The following SATB1 variants were observed in gnomAD, a reference collection of about 807,000 sequenced individuals.
SATB1 encodes the protein DNA-binding protein SATB1.
A neutral mutation model predicts 86.9 loss-of-function variants in SATB1; 11 were observed. The observed-to-expected ratio is 0.13, with a 90% CI of 0.08 to 0.21. The LOEUF is 0.21. SATB1 is among the 10% of genes least tolerant of loss of function. SATB1 has a pLI of 1.00. For synonymous variants in SATB1, 357 were observed against 357.2 expected (o/e 1.00, Z 0.01); for missense variants, 551 against 937.6 (o/e 0.59, Z 5.39).
intron 10 of SATB1, chr3:18,350,450 C>T (rs1162158679): frequency 6.6e-6 from 1 of 152,196 alleles, no homozygotes; most frequent in Admixed American, 6.5e-5. Flanking sequence ...ATATGTGCTA[C>T]AATTTCCATA....
In SATB1 at chr3:18,423,910, C is replaced by T. The variant is rs1366197968; in HGVS notation, c.-308G>A. The T allele has an allele frequency of 6.6e-6, 1 of 151,636 alleles. No individual in the cohort carries two copies. Among genetic ancestry groups the T allele is most frequent in the Non-Finnish European group, 1.5e-5 (1 of 67,926 alleles). 9.4% of individuals were successfully genotyped at this position (151,636 alleles called of 1,614,324 possible). A position where few individuals can be genotyped will look rare whatever the true frequency, so the allele number is the denominator to read the frequency against. ...TAAAAAAAAAATCACAATTCGAAAACCAACATATAGGGGTTTGTAAAATGT... is the reference window on the plus strand; with the variant it reads ...TAAAAAAAAAATCACAATTCGAAAATCAACATATAGGGGTTTGTAAAATGT... On this transcript the variant is annotated 5_prime_UTR_variant, in exon 1 of 11. Coordinates refer to ENST00000338745, the MANE Select transcript of SATB1 (RefSeq NM_002971.6).
intron 9 of SATB1, among the ~76,000 whole-genome samples, chr3:18,353,882 A>T (rs1484549053): frequency 6.6e-6 from 1 of 152,232 alleles, no homozygotes; most frequent in Non-Finnish European, 1.5e-5. Context: ...TATGCATGTC[A>T]TGGTCTTGTA....
chr3:18,367,792 C>A lies in SATB1; in HGVS notation c.1575+10378G>T, dbSNP rs143712987. ...CATGCCAGGCAAAGAAATACAAATACACAAAAATGTTTGCAAACATGAAAA... is the reference window on the plus strand; with the variant it reads ...CATGCCAGGCAAAGAAATACAAATAAACAAAAATGTTTGCAAACATGAAAA... On this transcript the variant is annotated intron_variant, in intron 9 of 10. Transcript: ENST00000338745. Among the ~76,000 whole-genome samples the A allele has an allele frequency of 6.6e-5, 10 of 152,230 alleles. No individual in the cohort carries two copies. In the East Asian group the frequency reaches 1.7e-3, roughly 26 times the overall value.
Position 18,444,492 on chromosome 3 carries a change from A to C in SATB1, c.-25+1026T>G. 1 of 740,192 alleles carries C rather than the reference A, an allele frequency of 1.4e-6. No homozygotes were observed. Among genetic ancestry groups the C allele is most frequent in the Non-Finnish European group, 1.7e-6 (1 of 606,054 alleles). 45.9% of individuals were successfully genotyped at this position (740,192 alleles called of 1,614,324 possible). On this transcript the variant is annotated intron_variant, in intron 1 of 3. Transcript: ENST00000415069. This position sits in a 1 kb window ranked among gnomAD's most constrained non-coding sequence, Gnocchi z 5.1. Reference sequence around the variant, plus strand: ...GAGAGGGGAGCCCAGCCGCCCCAATAGGGGACGAGGAGTGGGTGCTACGGA... The same window carrying C: ...GAGAGGGGAGCCCAGCCGCCCCAATCGGGGACGAGGAGTGGGTGCTACGGA...
rs773506212 is a variant in SATB1, at chr3:18,351,960, T to C, written c.1779+32A>G. On this transcript the variant is annotated intron_variant, in intron 10 of 10. Coordinates refer to ENST00000338745, the MANE Select transcript of SATB1 (RefSeq NM_002971.6). ...CTAAGTTTAAAGCTTTATTTACTTA[T>C]TGCTATACTGAATTGGCCAAAGTAA... The C allele has an allele frequency of 6.9e-6, 11 of 1,595,286 alleles. No homozygotes were observed. In the Admixed American group the frequency reaches 8.3e-5, roughly 12 times the overall value.
intron 5 of SATB1, chr3:18,408,637 G>C (rs1052246536): frequency 1.2e-4 from 18 of 151,502 alleles, no homozygotes; most frequent in Admixed American, 4.6e-4. Context: ...CAATGAAAGA[G>C]GGGGAAATTG....
Position 18,349,397 on chromosome 3 carries a change from T to C in SATB1, c.2065A>G (p.Ile689Val). 1 of 1,614,174 alleles carries C rather than the reference T, an allele frequency of 6.2e-7. No individual in the cohort carries two copies. The highest frequency in any genetic ancestry group is 8.5e-7 in the Non-Finnish European group (1 of 1,180,042). The change falls in exon 11 of 11, where the codon ATC becomes GTC. Residue 689 changes from isoleucine to valine, a missense_variant. Transcript: ENST00000338745. The surrounding 1 kb of genome is among the most constrained non-coding windows in gnomAD (Gnocchi z 5.5). ...CGCTGGTTCTGAAAGAACTTGATGA[T>C]GGTGTACTTGGGAAGGTCGAGCTGG... The part of the protein sequence containing the change: ...SAQLDLPKYT[I>V]IKFFQNQRYY...
intron 9 of SATB1, among the ~76,000 whole-genome samples, chr3:18,373,494 C>T (rs957129808): frequency 6.6e-6 from 1 of 152,178 alleles, no homozygotes; most frequent in Non-Finnish European, 1.5e-5. Context: ...TGGATTTTGT[C>T]ACTATAGATC....
chr3:18,387,636 T>C (rs963781195), intron 7 of SATB1, among the ~76,000 whole-genome samples: 5 of 152,332 alleles, frequency 3.3e-5, no homozygotes, highest in African/African-American at 1.2e-4. Context: ...CTCTTCTCTC[T>C]TTAATCTTGT....
chr3:18,409,978 A>G (rs1439074213), intron 5 of SATB1, among the ~76,000 whole-genome samples: 1 of 152,094 alleles, frequency 6.6e-6, no homozygotes, highest in African/African-American at 2.4e-5. Flanking sequence ...GGCTATTAGC[A>G]TAATTATGCC....
At chr3:18,399,933 T>C (rs1697166513) in intron 5 of SATB1, among the ~76,000 whole-genome samples, 1 of 152,090 alleles carries the variant, frequency 6.6e-6, no homozygotes, top group African/African-American at 2.4e-5. Context: ...TGGGCGTGTG[T>C]GTGTGTTTCA....
intron 5 of SATB1, among the ~76,000 whole-genome samples, chr3:18,404,541 CA>C (rs749182324): frequency 6.6e-6 from 1 of 151,974 alleles, no homozygotes; most frequent in Non-Finnish European, 1.5e-5. Flanking sequence ...AAAGAGAACA[CA>C]TCCAATTCTA....
chr3:18,417,460 T>C (rs376691005), intron 2 of SATB1: 1 of 588,034 alleles, frequency 1.7e-6, no homozygotes, highest in Non-Finnish European at 3.0e-6. Flanking sequence ...TAACTCACCA[T>C]TTATCTTCAG....
At chr3:18,364,464 AT>A (rs1192652068) in intron 9 of SATB1, among the ~76,000 whole-genome samples, 10 of 151,310 alleles carry the variant, frequency 6.6e-5, no homozygotes, top group African/African-American at 1.5e-4. Context: ...ATATTTTGTG[AT>A]TTTTTTTTAA....
chr3:18,411,365 T>C (rs1697833507), intron 5 of SATB1, among the ~76,000 whole-genome samples: 2 of 152,046 alleles, frequency 1.3e-5, no homozygotes, highest in South Asian at 4.1e-4. Context: ...CATGAAATAT[T>C]TGACCTAAAC....
Position 18,388,098 on chromosome 3 carries a change from C to G in SATB1, c.1207-1487G>C, listed in dbSNP as rs890866101. ...AGCCTGGAAATTGGACCTGAACTTT[C>G]GTTTTTACCCTAAGAAATGTGACTG... is the stretch of plus-strand genomic sequence containing the variant. On this transcript the variant is annotated intron_variant, in intron 7 of 10. Transcript: ENST00000338745. 2.6e-5 allele frequency among the ~76,000 whole-genome samples: 4 copies of G among 152,212 alleles called. No individual in the cohort carries two copies. The East Asian group carries it at 7.7e-4, about 29-fold the overall frequency.
chr3:18,386,988 C>T lies in SATB1; in HGVS notation c.1207-377G>A, dbSNP rs952696313. On this transcript the variant is annotated intron_variant, in intron 7 of 10. Transcript: ENST00000338745. The surrounding 1 kb of genome is among the most constrained non-coding windows in gnomAD (Gnocchi z 4.5). Reference sequence around the variant, plus strand: ...CTGCCTAGACAAAGGCAGTGTAATGCCTACAGCCCAATATGTAAAGATACA... The same window carrying T: ...CTGCCTAGACAAAGGCAGTGTAATGTCTACAGCCCAATATGTAAAGATACA... Among the ~76,000 whole-genome samples the T allele has an allele frequency of 2.6e-5, 4 of 152,112 alleles. No individual in the cohort carries two copies. The highest frequency in any genetic ancestry group is 9.7e-5 in the African/African-American group (4 of 41,400).
intron 9 of SATB1, among the ~76,000 whole-genome samples, chr3:18,375,926 T>C (rs946047932): frequency 2.0e-5 from 3 of 152,174 alleles, no homozygotes; most frequent in African/African-American, 4.8e-5. Context: ...TAGCCCACTA[T>C]TGGCCCCTTT....
At chr3:18,418,512 G>A (rs1024914770) in intron 2 of SATB1, among the ~76,000 whole-genome samples, 28 of 152,268 alleles carry the variant, frequency 1.8e-4, no homozygotes, top group African/African-American at 6.5e-4. Context: ...AAGCCGCAGA[G>A]CTTGCCAATA....
Sources: gnomAD v4.1 joint callset for allele counts (sites outside exome capture counted in the v4.1 genomes callset) on GRCh38, gnomAD v4.1.1 for gene constraint, Gnocchi (gnomAD v3.1) non-coding constraint, MANE v1.5 for transcripts, NCBI Gene and HGNC (gene_info 2026-07-23, HGNC 2026-07-21) for gene names.